Variants in RBFOX1 observed in about 807,000 individuals in gnomAD.
The protein encoded by RBFOX1 is RNA binding fox-1 homolog 1.
In RBFOX1, 8 loss-of-function variants were observed where a neutral mutation model predicts 57.7. The ratio of observed to expected loss-of-function variants is 0.14; its 90% CI spans 0.08 to 0.25. The LOEUF is 0.25. RBFOX1 is among the 10% of genes least tolerant of loss of function. RBFOX1 has a pLI of 1.00. For missense variants in RBFOX1, 611 were observed against 548.5 expected (o/e 1.11, Z -1.14); for synonymous variants, 326 against 222.4 (o/e 1.47, Z -4.15).
intron 7 of RBFOX1, among the ~76,000 whole-genome samples, chr16:7,590,832 C>A (rs578079046): frequency 5.4e-5 from 8 of 147,188 alleles, no homozygotes; most frequent in Admixed American, 1.4e-4. Context: ...GCATTCCAGC[C>A]TGGGCAAGAA....
intron 4 of RBFOX1, among the ~76,000 whole-genome samples, chr16:7,410,043 G>A (rs2098407373): frequency 6.6e-6 from 1 of 150,890 alleles, no homozygotes; most frequent in South Asian, 2.2e-4. Context: ...AATTAAAGCT[G>A]CATCTTACAT....
intron 2 of RBFOX1, among the ~76,000 whole-genome samples, chr16:5,473,519 A>G (rs2151626424): frequency 6.6e-6 from 1 of 152,184 alleles, no homozygotes; most frequent in South Asian, 2.1e-4. Context: ...GAGAGTAGAT[A>G]ATGCACGTTG....
intron 1 of RBFOX1, among the ~76,000 whole-genome samples, chr16:6,275,179 C>T (rs11077020): frequency 0.13 from 19,499 of 151,876 alleles, 1,991 homozygotes; most frequent in African/African-American, 0.28. Flanking sequence ...AGCATGGTGG[C>T]GGGCGCCTGT....
At chr16:6,300,929 G>A (rs1008173696) in intron 1 of RBFOX1, among the ~76,000 whole-genome samples, 1 of 152,252 alleles carries the variant, frequency 6.6e-6, no homozygotes, top group East Asian at 1.9e-4. Flanking sequence ...ATCCCTAACT[G>A]TACCTGGCAT....
intron 2 of RBFOX1, among the ~76,000 whole-genome samples, chr16:6,544,521 C>T (rs1480429746): frequency 6.6e-6 from 1 of 152,150 alleles, no homozygotes; most frequent in Non-Finnish European, 1.5e-5. Flanking sequence ...CAACTCTGAT[C>T]TCTTCATTAT....
chr16:6,825,691 G>A (rs1025849340), intron 3 of RBFOX1, among the ~76,000 whole-genome samples: 14 of 152,132 alleles, frequency 9.2e-5, no homozygotes. Context: ...CACAAGGAAA[G>A]AACCTAGTAG....
chr16:7,660,081 A>G (rs142774548), intron 12 of RBFOX1, among the ~76,000 whole-genome samples: 57 of 152,286 alleles, frequency 3.7e-4, no homozygotes, highest in East Asian at 3.1e-3. Context: ...TTCTATAAGA[A>G]TATACTTGTG....
At chr16:6,731,870 T>A (rs2068702263) in intron 3 of RBFOX1, among the ~76,000 whole-genome samples, 1 of 152,116 alleles carries the variant, frequency 6.6e-6, no homozygotes, top group Admixed American at 6.5e-5. Context: ...TCTAGGGGAA[T>A]CCAAACAAAC....
intron 4 of RBFOX1, among the ~76,000 whole-genome samples, chr16:7,348,448 G>A (rs2097060646): frequency 6.6e-6 from 1 of 151,786 alleles, no homozygotes; most frequent in Admixed American, 6.6e-5. Context: ...TAAGACTAAG[G>A]TGATGTCTTA....
intron 5 of RBFOX1, among the ~76,000 whole-genome samples, chr16:7,565,825 T>C (rs149682579): frequency 2.6e-5 from 4 of 152,164 alleles, no homozygotes; most frequent in African/African-American, 7.2e-5. Context: ...AGGAAGCCTG[T>C]AGGAAAGGAA....
At chr16:5,432,751 C>A (rs1050675853) in intron 1 of RBFOX1, among the ~76,000 whole-genome samples, 1 of 151,996 alleles carries the variant, frequency 6.6e-6, no homozygotes, top group Non-Finnish European at 1.5e-5. Context: ...CCTGTCTTTC[C>A]CACAGATTAA....
intron 1 of RBFOX1, among the ~76,000 whole-genome samples, chr16:6,239,751 C>A (rs1240988968): frequency 6.6e-6 from 1 of 152,112 alleles, no homozygotes; most frequent in Non-Finnish European, 1.5e-5. Context: ...CCTGCCTTGG[C>A]CTCCCAAAGT....
intron 4 of RBFOX1, among the ~76,000 whole-genome samples, chr16:7,088,726 G>A (rs149424612): frequency 6.6e-6 from 1 of 152,122 alleles, no homozygotes; most frequent in Admixed American, 6.5e-5. Flanking sequence ...AGCCAATAAA[G>A]AGCATGTGTG....
At position 6,994,042 on chromosome 16, in the gene RBFOX1, C is replaced by G. The variant is rs549647532; in HGVS notation, c.-15-58015C>G. On this transcript the variant is annotated intron_variant, in intron 3 of 15. Transcript: ENST00000550418. ...GCTGAATTTCCTCAATCCACCTCCCCCTCTGGGAGTTTAACAAACAGGCCT... is the reference window on the plus strand; with the variant it reads ...GCTGAATTTCCTCAATCCACCTCCCGCTCTGGGAGTTTAACAAACAGGCCT... Among the ~76,000 whole-genome samples the G allele has an allele frequency of 9.9e-5, 15 of 152,214 alleles. No individual in the cohort carries two copies. The South Asian group carries it at 2.7e-3, about 27-fold the overall frequency.
At position 5,651,040 on chromosome 16, in the gene RBFOX1, C is replaced by CTTTTTTTTTTTTTTTTT. The variant is rs869240597; in HGVS notation, c.318+52093_318+52109dup. Reference sequence around the variant, plus strand: ...TCCTCTGGGAGAACACTACCTCCTTCTTTTTTTTTTTTTTTTTTTTTTTTT... The same window carrying CTTTTTTTTTTTTTTTTT: ...TCCTCTGGGAGAACACTACCTCCTTCTTTTTTTTTTTTTTTTTTTTTTTTTTTTTTTTTTTTTTTTTT... On this transcript the variant is annotated intron_variant, in intron 3 of 19. Coordinates refer to the RBFOX1 transcript ENST00000641259. 8.3e-4 allele frequency among the ~76,000 whole-genome samples: 47 copies of CTTTTTTTTTTTTTTTTT among 56,896 alleles called. 17 individuals are homozygous for CTTTTTTTTTTTTTTTTT. The highest frequency in any genetic ancestry group is 2.5e-3 in the Admixed American group (7 of 2,758). The allele number at this position is 56,896 out of a possible 152,430, so 37.3% of individuals were successfully genotyped here.
intron 4 of RBFOX1, among the ~76,000 whole-genome samples, chr16:7,130,955 C>T (rs1230664584): frequency 6.6e-6 from 1 of 152,128 alleles, no homozygotes; most frequent in Non-Finnish European, 1.5e-5. Flanking sequence ...GGTGCACCAC[C>T]TATAAGTGAA....
chr16:6,158,072 A>G (rs939307339), intron 1 of RBFOX1, among the ~76,000 whole-genome samples: 5 of 152,228 alleles, frequency 3.3e-5, no homozygotes, highest in Non-Finnish European at 7.3e-5. Flanking sequence ...GGAAACTAGG[A>G]GCGGGGAGAT....
At chr16:6,900,840 G>A (rs1243251801) in intron 3 of RBFOX1, among the ~76,000 whole-genome samples, 1 of 152,162 alleles carries the variant, frequency 6.6e-6, no homozygotes, top group East Asian at 1.9e-4. Flanking sequence ...GTTGTTGAGT[G>A]TTTGTCTTTG....
chr16:6,931,847 G>A lies in RBFOX1; in HGVS notation c.-15-120210G>A, dbSNP rs80157189. ...TGGAGGTCGGAAAGTCCAAGAGCAT[G>A]GCACTGGTATCTGACGAGGGCGTGG... On this transcript the variant is annotated intron_variant, in intron 3 of 15. Coordinates refer to ENST00000550418, the MANE Select transcript of RBFOX1 (RefSeq NM_018723.4). Among the ~76,000 whole-genome samples the A allele has an allele frequency of 8.3e-3, 1,264 of 152,258 alleles. 26 individuals are homozygous for A. The highest frequency in any genetic ancestry group is 0.029 in the African/African-American group (1,200 of 41,546).
Sources: gnomAD v4.1 joint callset for allele counts (sites outside exome capture counted in the v4.1 genomes callset) on GRCh38, gnomAD v4.1.1 for gene constraint, MANE v1.5 for transcripts, NCBI Gene and HGNC (gene_info 2026-07-23, HGNC 2026-07-21) for gene names.